PLA2G4D: variants seen among roughly 807,000 people sequenced by gnomAD.
The protein encoded by PLA2G4D is phospholipase A2 group IVD, also known as cytosolic phospholipase A2 delta.
In PLA2G4D, 80 loss-of-function variants were observed where a neutral mutation model predicts 94.4. The observed-to-expected ratio is 0.85, with a 90% confidence interval of 0.71 to 1.02. The LOEUF (loss-of-function observed/expected upper bound fraction) is 1.02, where lower values mean the gene tolerates loss of function less well. Ranked by LOEUF, PLA2G4D falls within the 50% of genes least tolerant of loss-of-function variation. The pLI, the probability that PLA2G4D is intolerant of heterozygous loss-of-function variation, is 0.00. For synonymous variants in PLA2G4D, 438 were observed against 440.9 expected, an observed-to-expected ratio of 0.99 and a Z score of 0.08; for missense variants, 1,050 against 1,034.7, an observed-to-expected ratio of 1.01 and a Z score of -0.20.
intron 1 of PLA2G4D, among the ~76,000 whole-genome samples, chr15:42,093,850 C>A (rs2141106768): frequency 6.6e-6 from 1 of 152,332 alleles, no homozygotes. Flanking sequence ...GGAGCCAGCT[C>A]TGCTGGCCTT....
intron 13 of PLA2G4D, among the ~76,000 whole-genome samples, chr15:42,077,481 A>T (rs934172728): frequency 6.6e-6 from 1 of 152,282 alleles, no homozygotes; most frequent in Non-Finnish European, 1.5e-5. Flanking sequence ...AGTTGGGATC[A>T]GTGCCCTGGT....
At position 42,086,194 on chromosome 15, in the gene PLA2G4D, T is replaced by TGGGGGGC; in HGVS notation, c.387+18_387+19insGCCCCCC. The TGGGGGGC allele has an allele frequency of 3.2e-5, 44 of 1,370,414 alleles. No individual in the cohort carries two copies. The highest frequency in any genetic ancestry group is 3.6e-5 in the Non-Finnish European group (38 of 1,043,056). The allele number at this position is 1,370,414 out of a possible 1,614,324, so 84.9% of individuals were successfully genotyped here. A position where few individuals can be genotyped will look rare whatever the true frequency, so the allele number is the denominator to read the frequency against. ...GGAAGAAGTGGGGCCCACGGGGACTTCCCCACCCACCCACCCACCTGGGGA... is the reference window on the plus strand; with the variant it reads ...GGAAGAAGTGGGGCCCACGGGGACTTGGGGGGCCCCCACCCACCCACCCACCTGGGGA... On this transcript the variant is annotated intron_variant, in intron 4 of 19. Coordinates refer to ENST00000290472, the MANE Select transcript of PLA2G4D (RefSeq NM_178034.4).
intron 7 of PLA2G4D, 73 bp from the exon 8 acceptor site, chr15:42,083,407 C>T (rs1219162923): frequency 6.5e-7 from 1 of 1,539,462 alleles, no homozygotes; most frequent in African/African-American, 1.4e-5. Flanking sequence ...GACAGCAGCA[C>T]CACCACCTGG....
intron 18 of PLA2G4D, 199 bp from the exon 19 acceptor site, chr15:42,070,294 TTAAAA>T (rs1889778792): frequency 3.5e-6 from 2 of 565,502 alleles, no homozygotes; most frequent in Admixed American, 7.8e-5. Flanking sequence ...TGTTGTTTGG[TTAAAA>T]GCTCTAGGTG....
chr15:42,089,876 G>T (rs1193912544), intron 1 of PLA2G4D, among the ~76,000 whole-genome samples: 1 of 152,136 alleles, frequency 6.6e-6, no homozygotes, highest in Non-Finnish European at 1.5e-5. Flanking sequence ...ACCATCCCGG[G>T]TTTAAGCACT....
intron 19 of PLA2G4D, 106 bp from the exon 20 acceptor site, chr15:42,069,047 TC>T: frequency 2.2e-6 from 2 of 908,494 alleles, no homozygotes; most frequent in Non-Finnish European, 3.3e-6. Flanking sequence ...CCTGCTTTCC[TC>T]CCAGCTCTCT....
chr15:42,082,187 C>T, intron 9 of PLA2G4D, 92 bp downstream of exon 9: 1 of 1,120,508 alleles, frequency 8.9e-7, no homozygotes, highest in Non-Finnish European at 1.3e-6. Context: ...CTGCCTTGGC[C>T]TCCCAAAGTG....
At position 42,087,586 on chromosome 15, in the gene PLA2G4D, G is replaced by A. The variant is rs754448672; in HGVS notation, c.118+42C>T. 8.1e-6 allele frequency: 13 copies of A among 1,612,436 alleles called. No homozygotes were observed. The East Asian group carries it at 2.9e-4, about 36-fold the overall frequency. Reference sequence around the variant, plus strand: ...GTCTTGGCCCTTCCTATGGGATCTGGTCCTCCCTGCTCCCGACAGAGCGCA... The same window carrying A: ...GTCTTGGCCCTTCCTATGGGATCTGATCCTCCCTGCTCCCGACAGAGCGCA... On this transcript the variant is annotated intron_variant, in intron 2 of 19. Transcript: ENST00000290472.
chr15:42,083,517 G>A (rs1890082465), intron 7 of PLA2G4D, among the ~76,000 whole-genome samples, 183 bp from the exon 8 acceptor site: 1 of 152,174 alleles, frequency 6.6e-6, no homozygotes, highest in African/African-American at 2.4e-5. Context: ...CCGGACTCCT[G>A]CCTTCTGCAA....
At chr15:42,073,002 C>T (rs1413000716) in intron 13 of PLA2G4D, among the ~76,000 whole-genome samples, 2 of 152,054 alleles carry the variant, frequency 1.3e-5, no homozygotes, top group Non-Finnish European at 2.9e-5. Flanking sequence ...CAAGCTCTGC[C>T]TTTGTTTTAT....
chr15:42,089,630 C>G (rs1192218307), intron 1 of PLA2G4D, among the ~76,000 whole-genome samples: 1 of 152,230 alleles, frequency 6.6e-6, no homozygotes, highest in Non-Finnish European at 1.5e-5. Context: ...TCCCCTCACT[C>G]AGATTCCACC....
In PLA2G4D at chr15:42,084,288, A is replaced by G. The variant is rs562215228; in HGVS notation, c.472-509T>C. Among the ~76,000 whole-genome samples the G allele has an allele frequency of 1.3e-4, 20 of 152,208 alleles. No individual in the cohort carries two copies. Among genetic ancestry groups the G allele is most frequent in the Middle Eastern group, 3.4e-3 (1 of 294 alleles). ...GGGAGCCTCTGCATGCTGTCTGTGAAGCATACCAGCAGATGCCCGCCACCC... is the reference window on the plus strand; with the variant it reads ...GGGAGCCTCTGCATGCTGTCTGTGAGGCATACCAGCAGATGCCCGCCACCC... On this transcript the variant is annotated intron_variant, in intron 6 of 19. Transcript: ENST00000290472. The surrounding 1 kb of genome is among the most constrained non-coding windows in gnomAD (Gnocchi z 4.8).
rs769585326 is a variant in PLA2G4D at position 42,082,318 on chromosome 15, G to A, written c.744C>T (p.Thr248=). 1.9e-6 allele frequency: 3 copies of A among 1,614,088 alleles called. No individual in the cohort carries two copies. The East Asian group carries it at 6.7e-5, about 36-fold the overall frequency. ...CATCCATAGTCACCTCCTTCCCAAT[G>A]GTCAAGGGCCTCAGGGGCACAGTGA... The part of the protein sequence containing the change: ...GYLTVPLRPL[T]IGKEVTMDVP... Residue 248 remains threonine, a synonymous_variant, in exon 9 of 20, where the codon ACC becomes ACT. Coordinates refer to ENST00000290472, the MANE Select transcript of PLA2G4D (RefSeq NM_178034.4).
intron 9 of PLA2G4D, 38 bp downstream of exon 9, chr15:42,082,241 T>C (rs1301889831): frequency 6.5e-7 from 1 of 1,539,804 alleles, no homozygotes; most frequent in Non-Finnish European, 9.0e-7. Context: ...CTTATCTTCA[T>C]TCTTACTGGC....
At chr15:42,077,457 A>C (rs1381468159) in intron 13 of PLA2G4D, among the ~76,000 whole-genome samples, 1 of 152,270 alleles carries the variant, frequency 6.6e-6, no homozygotes, top group Non-Finnish European at 1.5e-5. Flanking sequence ...GTGATACATC[A>C]CATCAACAGA....
At chr15:42,080,064 G>A (rs1890008196) in intron 12 of PLA2G4D, among the ~76,000 whole-genome samples, 1 of 152,150 alleles carries the variant, frequency 6.6e-6, no homozygotes, top group African/African-American at 2.4e-5. Flanking sequence ...ATTTCAACAA[G>A]TAGTAAATAC....
intron 1 of PLA2G4D, among the ~76,000 whole-genome samples, chr15:42,087,979 A>T (rs1391433990): frequency 2.0e-5 from 3 of 152,250 alleles, no homozygotes; most frequent in Non-Finnish European, 4.4e-5. Flanking sequence ...CAACATGGGT[A>T]GTGGACAGAG....
At chr15:42,080,873 G>A in intron 12 of PLA2G4D, 124 bp downstream of exon 12, 1 of 1,288,746 alleles carries the variant, frequency 7.8e-7, no homozygotes, top group Non-Finnish European at 1.0e-6. Context: ...AAGCTGCTTG[G>A]CGCCCATCAG....
At position 42,072,242 on chromosome 15, in the gene PLA2G4D, G is replaced by A. The variant is rs192677374; in HGVS notation, c.1435+33C>T. 103 of 1,547,644 alleles carry A rather than the reference G, an allele frequency of 6.7e-5. 1 individual carries two copies. In the Admixed American group the frequency reaches 1.7e-3, roughly 25 times the overall value. On this transcript the variant is annotated intron_variant, in intron 14 of 19. Transcript: ENST00000290472. ...CGGGGTGCAGAGGGTTTGGGGGGTG[G>A]AGTATGTGGGAGGGGAGTAGGTAGA...
Sources: gnomAD v4.1 joint callset for allele counts (sites outside exome capture counted in the v4.1 genomes callset) on GRCh38, gnomAD v4.1.1 for gene constraint, Gnocchi (gnomAD v3.1) non-coding constraint, MANE v1.5 for transcripts, NCBI Gene and HGNC (gene_info 2026-07-23, HGNC 2026-07-21) for gene names.